The following RUSF1 variants were observed in gnomAD, a reference collection of about 807,000 sequenced individuals.
RUSF1 encodes RUS family member 1.
Under a neutral mutation model 63.0 loss-of-function variants are expected in RUSF1, and 58 were observed. That is an observed-to-expected ratio of 0.92 (90% CI 0.75 to 1.15). The LOEUF (loss-of-function observed/expected upper bound fraction) is 1.15, where lower values mean the gene tolerates loss of function less well. RUSF1 is among the 50% of genes most tolerant of loss of function. RUSF1 has a pLI of 0.00. For synonymous variants in RUSF1, 274 were observed against 255.8 expected (o/e 1.07, Z -0.68); for missense variants, 652 against 611.0 (o/e 1.07, Z -0.71).
chr16:31,500,062 C>T (rs1247596250), intron 3 of RUSF1, among the ~76,000 whole-genome samples: 2 of 152,136 alleles, frequency 1.3e-5, no homozygotes, highest in South Asian at 4.1e-4. Context: ...ACACCGTGGA[C>T]GGCTACCTCA....
At chr16:31,503,748 C>T (rs867535624) in intron 2 of RUSF1, among the ~76,000 whole-genome samples, 2 of 152,162 alleles carry the variant, frequency 1.3e-5, no homozygotes, top group Non-Finnish European at 2.9e-5. Context: ...CCACAACCTC[C>T]GCCTACTAGG....
chr16:31,492,136 G>C, intron 11 of RUSF1, 50 bp from the exon 12 acceptor site: 1 of 1,613,174 alleles, frequency 6.2e-7, no homozygotes, highest in Non-Finnish European at 8.5e-7. Flanking sequence ...CAGCAGGACA[G>C]AGTTTGTCCT....
At chr16:31,500,108 G>A (rs1377755613) in intron 3 of RUSF1, among the ~76,000 whole-genome samples, 1 of 152,102 alleles carries the variant, frequency 6.6e-6, no homozygotes, top group African/African-American at 2.4e-5. Flanking sequence ...TCCCTGCCCT[G>A]TGCACAAACA....
At chr16:31,499,990 T>G (rs1462516444) in intron 3 of RUSF1, among the ~76,000 whole-genome samples, 2 of 151,696 alleles carry the variant, frequency 1.3e-5, no homozygotes, top group African/African-American at 4.8e-5. Flanking sequence ...ACACGCAGAG[T>G]TGGGGAAAAG....
rs1425262129 is a variant in RUSF1, at chr16:31,490,861, G to A, written c.1381C>T (p.Leu461=). 2 of 1,614,194 alleles carry A rather than the reference G, an allele frequency of 1.2e-6. No homozygotes were observed. The highest frequency in any genetic ancestry group is 2.2e-5 in the South Asian group (2 of 91,082). Residue 461 remains leucine (L), a synonymous_variant, in exon 13 of 13, where the codon CTG becomes TTG. Coordinates refer to ENST00000327237, the MANE Select transcript of RUSF1 (RefSeq NM_022744.4). The part of the protein sequence containing the change: ...EVDEWRATWL[L]SPEKKVL Reference sequence around the variant, plus strand: ...CACAAGACCTTCTTTTCGGGAGACAGAAGCCATGTGGCCCTCCACTCATCC... The same window carrying A: ...CACAAGACCTTCTTTTCGGGAGACAAAAGCCATGTGGCCCTCCACTCATCC...
At chr16:31,507,511 G>C (rs1201890604) in intron 2 of RUSF1, among the ~76,000 whole-genome samples, 1 of 152,164 alleles carries the variant, frequency 6.6e-6, no homozygotes, top group Admixed American at 6.5e-5. Flanking sequence ...GAGGGGACGG[G>C]ATTTGGGATC....
chr16:31,493,100 T>C, intron 9 of RUSF1, 52 bp from the exon 10 acceptor site: 1 of 1,570,688 alleles, frequency 6.4e-7, no homozygotes, highest in Non-Finnish European at 8.7e-7. Context: ...AAGGCAGGCA[T>C]GCCCAACCAG....
chr16:31,496,091 T>A (rs977962023), intron 6 of RUSF1, among the ~76,000 whole-genome samples: 2 of 152,008 alleles, frequency 1.3e-5, no homozygotes, highest in Non-Finnish European at 2.9e-5. Flanking sequence ...TGTGAGAGTT[T>A]GTTTGTTTTT....
In RUSF1 at chr16:31,499,311, G is replaced by A; in HGVS notation, c.591C>T (p.Asn197=). The A allele has an allele frequency of 6.2e-7, 1 of 1,613,630 alleles. No individual in the cohort carries two copies. Among genetic ancestry groups the A allele is most frequent in the South Asian group, 1.1e-5 (1 of 91,056 alleles). Residue 197 remains asparagine (N), a synonymous_variant, in exon 5 of 13, where the codon AAC becomes AAT. Coordinates refer to ENST00000327237, the MANE Select transcript of RUSF1 (RefSeq NM_022744.4). ...CCCCACAGGCAGCTACCTTGGCTAG[G>A]TTGCTGGTGGAGACGGTCATGGTGA... The part of the protein sequence containing the change: ...ICFTMTVSTS[N]LAKCIVSVAG...
rs191687075 is a variant in RUSF1 at position 31,494,645 on chromosome 16, C to A, written c.703-709G>T. On this transcript the variant is annotated intron_variant, in intron 6 of 12. Transcript: ENST00000327237. ...TGCCCAGGTAGGTGCCCTCGGAATACCCTTGAACACATCTTGTCTTGCAAG... is the reference window on the plus strand; with the variant it reads ...TGCCCAGGTAGGTGCCCTCGGAATAACCTTGAACACATCTTGTCTTGCAAG... Among the ~76,000 whole-genome samples, 310 of 152,118 alleles carry A rather than the reference C, an allele frequency of 2.0e-3. 5 individuals carry two copies. The highest frequency in any genetic ancestry group is 6.2e-4 in the Non-Finnish European group (42 of 67,994).
intron 12 of RUSF1, among the ~76,000 whole-genome samples, chr16:31,491,327 C>CTTT (rs879259178): frequency 6.9e-6 from 1 of 145,026 alleles, no homozygotes; most frequent in African/African-American, 2.5e-5. Flanking sequence ...GAGAATCCAT[C>CTTT]TTTTTTTTTT....
At chr16:31,501,548 C>T (rs1217752612) in intron 2 of RUSF1, among the ~76,000 whole-genome samples, 1 of 149,084 alleles carries the variant, frequency 6.7e-6, no homozygotes, top group African/African-American at 2.5e-5. Flanking sequence ...GAGCTATGAT[C>T]ATGTCACTGC....
In RUSF1 at chr16:31,493,724, G is replaced by C. The variant is rs76895675; in HGVS notation, c.837C>G (p.Val279=). The C allele has an allele frequency of 1.1e-3, 1,822 of 1,614,214 alleles. 24 individuals carry two copies. In the African/African-American group the frequency reaches 0.022, roughly 19 times the overall value. The change falls in exon 8 of 13, where the codon GTC becomes GTG. Residue 279 remains valine, a synonymous_variant. Coordinates refer to ENST00000327237, the MANE Select transcript of RUSF1 (RefSeq NM_022744.4). The part of the protein sequence containing the change: ...ALHIYANYRA[V]RALVMETLNE... Reference sequence around the variant, plus strand: ...TCAAGGTCTCCATGACCAGGGCTCGGACCGCGCGGTAGTTGGCGTAGATGT... The same window carrying C: ...TCAAGGTCTCCATGACCAGGGCTCGCACCGCGCGGTAGTTGGCGTAGATGT...
intron 2 of RUSF1, among the ~76,000 whole-genome samples, chr16:31,507,452 T>C (rs1423295385): frequency 1.3e-5 from 2 of 152,154 alleles, no homozygotes; most frequent in Non-Finnish European, 2.9e-5. Flanking sequence ...TTTTATTCCA[T>C]CAATTGCATT....
Position 31,490,463 on chromosome 16 carries a change from G to A in RUSF1, c.*372C>T. ...AGGACATCAGCGAGGACCCGAGCTG[G>A]GCCCGTGTGGTCAACCTCAATGCCC... On this transcript the variant is annotated 3_prime_UTR_variant, in exon 13 of 13. Transcript: ENST00000327237. 1 of 1,614,044 alleles carries A rather than the reference G, an allele frequency of 6.2e-7. No homozygotes were observed. Among genetic ancestry groups the A allele is most frequent in the Non-Finnish European group, 8.5e-7 (1 of 1,180,016 alleles).
chr16:31,497,673 CT>C lies in RUSF1; in HGVS notation c.601-724del, dbSNP rs376520017. Reference sequence around the variant, plus strand: ...TAGATGCCAGACATAGACTTAGGTGCTGTGATACAAGTCAGACCCAGGCCCT... The same window carrying C: ...TAGATGCCAGACATAGACTTAGGTGCGTGATACAAGTCAGACCCAGGCCCT... On this transcript the variant is annotated intron_variant, in intron 5 of 12. Transcript: ENST00000327237. Among the ~76,000 whole-genome samples the C allele has an allele frequency of 3.9e-3, 589 of 152,250 alleles. 2 individuals carry two copies. The highest frequency in any genetic ancestry group is 0.014 in the African/African-American group (562 of 41,536).
chr16:31,490,064 G>GC lies in RUSF1; in HGVS notation c.*770_*771insG. 2 of 1,611,796 alleles carry GC rather than the reference G, an allele frequency of 1.2e-6. No homozygotes were observed. Among genetic ancestry groups the GC allele is most frequent in the East Asian group, 4.5e-5 (2 of 44,870 alleles). On this transcript the variant is annotated 3_prime_UTR_variant, in exon 13 of 13. Transcript: ENST00000327237. ...GAGACTTTAGGGCCAGGCATGGGGG[G>GC]ACAGAACTCCCACCTCGTTCGTGCT...
At position 31,508,150 on chromosome 16, in the gene RUSF1, G is replaced by A. The variant is rs1222045595; in HGVS notation, c.224C>T (p.Ala75Val). 1.3e-6 allele frequency: 2 copies of A among 1,591,944 alleles called. No homozygotes were observed. The highest frequency in any genetic ancestry group is 1.7e-6 in the Non-Finnish European group (2 of 1,170,226). ...AGGGAAGCCCTGAGGCAGGAACACG[G>A]CCTGGAGCCCGGAGAGGGGCGGTGA... ...APSPPLSGLQAVFLPQGFPDS... is the reference protein window; with the variant it reads ...APSPPLSGLQVVFLPQGFPDS... The change falls in exon 1 of 13, where the codon GCC (alanine) becomes GTC (valine). Residue 75 changes from alanine to valine, a missense_variant. Ala to Val is a moderately conservative substitution (Grantham distance 64). Coordinates refer to ENST00000327237, the MANE Select transcript of RUSF1 (RefSeq NM_022744.4).
At position 31,490,092 on chromosome 16, in the gene RUSF1, C is replaced by T; in HGVS notation, c.*743G>A. ...AGAACTCCCACCTCGTTCGTGCTCC[C>T]ACCCTCCCCAGCTCCACCGCCTGGT... On this transcript the variant is annotated 3_prime_UTR_variant, in exon 13 of 13. Coordinates refer to ENST00000327237, the MANE Select transcript of RUSF1 (RefSeq NM_022744.4). The T allele has an allele frequency of 6.2e-7, 1 of 1,613,310 alleles. No individual in the cohort carries two copies. Among genetic ancestry groups the T allele is most frequent in the Non-Finnish European group, 8.5e-7 (1 of 1,179,982 alleles).
Sources: allele counts gnomAD v4.1 joint callset (sites outside exome capture counted in the v4.1 genomes callset), GRCh38; gene constraint gnomAD v4.1.1; transcripts MANE v1.5; gene names NCBI Gene and HGNC (gene_info 2026-07-23, HGNC 2026-07-21).